The following AHNAK2 variants were observed in gnomAD, a reference collection of about 807,000 sequenced individuals.
AHNAK2 encodes AHNAK nucleoprotein 2.
A neutral mutation model predicts 30.7 loss-of-function variants in AHNAK2; 18 were observed. The observed-to-expected ratio is 0.59, with a 90% CI of 0.41 to 0.87. The LOEUF is 0.87. Ranked by LOEUF, AHNAK2 falls within the 40% of genes least tolerant of loss-of-function variation. The pLI, the probability that AHNAK2 is intolerant of heterozygous loss-of-function variation, is 0.00. For synonymous variants in AHNAK2, 3,590 were observed against 3,073.8 expected, an observed-to-expected ratio of 1.17 and a Z score of -5.56; for missense variants, 8,604 against 7,373.0, an observed-to-expected ratio of 1.17 and a Z score of -6.11.
Position 104,942,483 on chromosome 14 carries a change from A to G in AHNAK2, c.12968T>C (p.Val4323Ala). The G allele has an allele frequency of 6.2e-7, 1 of 1,612,788 alleles. No homozygotes were observed. The highest frequency in any genetic ancestry group is 1.7e-4 in the Middle Eastern group (1 of 6,048). ...PGKSIEASLD[V>A]SALKVEADVS... ...GTCAGCCTCCACCTTCAGCGCAGAC[A>G]CATCCAACGAGGCCTCGATGGACTT... Residue 4323 changes from valine to alanine, a missense_variant, in exon 7 of 7, where the codon GTG becomes GCG. Physicochemically the swap from Val to Ala is moderately conservative, Grantham distance 64. Coordinates refer to ENST00000333244, the MANE Select transcript of AHNAK2 (RefSeq NM_138420.4).
In AHNAK2 at chr14:104,948,117, G is replaced by C; in HGVS notation, c.7334C>G (p.Ser2445Cys). 1 of 1,612,554 alleles carries C rather than the reference G, an allele frequency of 6.2e-7. No individual in the cohort carries two copies. Among genetic ancestry groups the C allele is most frequent in the Non-Finnish European group, 8.5e-7 (1 of 1,179,662 alleles). Reference protein sequence around the residue: ...TDVMAPDVEVSQPSVEVDVEA... With the variant: ...TDVMAPDVEVCQPSVEVDVEA... ...GACATCCACCTCCACGCTGGGCTGA[G>C]ACACCTCCACGTCGGGGGCCATCAC... Residue 2445 changes from serine (S) to cysteine (C), a missense_variant, in exon 7 of 7, where the codon TCT becomes TGT. Ser to Cys is a moderately radical substitution (Grantham distance 112). Transcript: ENST00000333244.
At chr14:104,968,253 T>TACCACA (rs1432756774) in intron 1 of AHNAK2, among the ~76,000 whole-genome samples, 1 of 151,816 alleles carries the variant, frequency 6.6e-6, no homozygotes, top group Non-Finnish European at 1.5e-5. Flanking sequence ...CCAGGGCAGG[T>TACCACA]GGGGGTGGTA....
rs1897949017 is a variant in AHNAK2 at position 104,940,572 on chromosome 14, A to G, written c.14879T>C (p.Leu4960Pro). 6.2e-7 allele frequency: 1 copy of G among 1,613,674 alleles called. No individual in the cohort carries two copies. The highest frequency in any genetic ancestry group is 8.5e-7 in the Non-Finnish European group (1 of 1,179,862). The change falls in exon 7 of 7, where the codon CTT (leucine) becomes CCT (proline). Residue 4960 changes from leucine to proline, a missense_variant. Transcript: ENST00000333244. The surrounding 1 kb of genome is among the most constrained non-coding windows in gnomAD (Gnocchi z 4.4). The stretch of plus-strand genomic sequence containing the variant: ...CTTCGGGGACCACCTAAATGATGGA[A>G]GCTTAATCTTAGGCATTTTCAAGGG... ...GSPLKMPKIKLPSFRWSPKKE... is the reference protein window; with the variant it reads ...GSPLKMPKIKPPSFRWSPKKE...
In AHNAK2 at chr14:104,978,215, A is replaced by T; in HGVS notation, c.23T>A (p.Val8Glu). MCDCFHM[V>E]LPTWPGTPGS... is the part of the protein sequence containing the mutation. ...GGGGGTTCCGGGCCAGGTGGGCAGC[A>T]CCATGTGGAAGCAGTCGCACATCGC... The change falls in exon 1 of 7, where the codon GTG becomes GAG. Residue 8 changes from valine (V) to glutamate (E), a missense_variant. Coordinates refer to ENST00000333244, the MANE Select transcript of AHNAK2 (RefSeq NM_138420.4). The T allele has an allele frequency of 8.3e-7, 1 of 1,211,372 alleles. No homozygotes were observed. Among genetic ancestry groups the T allele is most frequent in the Non-Finnish European group, 1.0e-6 (1 of 974,076 alleles). The allele number at this position is 1,211,372 out of a possible 1,614,324, so 75.0% of individuals were successfully genotyped here.
Position 104,943,719 on chromosome 14 carries a change from G to T in AHNAK2, c.11732C>A (p.Pro3911His), listed in dbSNP as rs1898106935. 6.2e-7 allele frequency: 1 copy of T among 1,612,770 alleles called. No homozygotes were observed. The highest frequency in any genetic ancestry group is 8.5e-7 in the Non-Finnish European group (1 of 1,179,482). The change falls in exon 7 of 7, where the codon CCC becomes CAC. Residue 3911 changes from proline to histidine, a missense_variant. By Grantham distance (77) the Pro-to-His change is moderately conservative (BLOSUM62 -2). Coordinates refer to ENST00000333244, the MANE Select transcript of AHNAK2 (RefSeq NM_138420.4). The part of the protein sequence containing the change: ...LKGPEIDIKG[P>H]KLDLKDPKVE... ...CTTGGGGTCTTTTAGGTCCAGCTTG[G>T]GGCCCTTGATGTCTATTTCAGGGCC...
chr14:104,963,193 G>A (rs561251121), intron 1 of AHNAK2, among the ~76,000 whole-genome samples: 1 of 152,302 alleles, frequency 6.6e-6, no homozygotes, highest in South Asian at 2.1e-4. Flanking sequence ...AGATGTACGA[G>A]TGTTCAATAA....
At position 104,941,461 on chromosome 14, in the gene AHNAK2, T is replaced by A. The variant is rs4465542; in HGVS notation, c.13990A>T (p.Thr4664Ser). The A allele has an allele frequency of 1.9e-6, 3 of 1,611,824 alleles. No individual in the cohort carries two copies. The African/African-American group carries it at 4.0e-5, about 22-fold the overall frequency. ...GNVTFHEKTS[T>S]FPIVESVVHE... is the part of the protein sequence containing the mutation. ...ACAACAGATTCCACAATGGGAAATGTGGAAGTCTTCTCATGGAATGTAACA... is the reference window on the plus strand; with the variant it reads ...ACAACAGATTCCACAATGGGAAATGAGGAAGTCTTCTCATGGAATGTAACA... Residue 4664 changes from threonine to serine, a missense_variant, in exon 7 of 7, where the codon ACA becomes TCA. Coordinates refer to ENST00000333244, the MANE Select transcript of AHNAK2 (RefSeq NM_138420.4).
Position 104,948,040 on chromosome 14 carries a change from C to A in AHNAK2, c.7411G>T (p.Val2471Leu), listed in dbSNP as rs185496696. ...DGAWLEGDLS[V>L]ADKDVTTKDS... ...TTGGTAGTCACATCCTTGTCCGCCA[C>A]AGACAGGTCCCCCTCCAGCCACGCA... Residue 2471 changes from valine to leucine, a missense_variant, in exon 7 of 7, where the codon GTG (valine) becomes TTG (leucine). Physicochemically the swap from Val to Leu is conservative, Grantham distance 32 (BLOSUM62 1). Transcript: ENST00000333244. 2.5e-6 allele frequency: 4 copies of A among 1,610,022 alleles called. No homozygotes were observed. In the South Asian group the frequency reaches 3.3e-5, roughly 13 times the overall value.
rs764942035 is a variant in AHNAK2 at position 104,944,095 on chromosome 14, C to G, written c.11356G>C (p.Glu3786Gln). The change falls in exon 7 of 7, where the codon GAG becomes CAG. Residue 3786 changes from glutamate (E) to glutamine (Q), a missense_variant. Transcript: ENST00000333244. ...TTGTCGGCCAGGGACAGGTCCCCCT[C>G]CAGCTGTGCACTATCCAGTTTGGCT... ...PRAKLDSAQLEGDLSLADKDV... is the reference protein window; with the variant it reads ...PRAKLDSAQLQGDLSLADKDV... The G allele has an allele frequency of 1.2e-6, 2 of 1,613,174 alleles. No individual in the cohort carries two copies. The highest frequency in any genetic ancestry group is 1.3e-5 in the African/African-American group (1 of 74,754).
At chr14:104,955,748 C>T (rs373029518) in intron 4 of AHNAK2, 115 bp from the exon 5 acceptor site, 2 of 1,380,086 alleles carry the variant, frequency 1.4e-6, no homozygotes, top group African/African-American at 2.9e-5. Flanking sequence ...TCCATCAGCC[C>T]AGACAACACA....
At position 104,956,667 on chromosome 14, in the gene AHNAK2, C is replaced by G. The variant is rs371250754; in HGVS notation, c.236G>C (p.Gly79Ala). The G allele has an allele frequency of 2.5e-6, 4 of 1,613,698 alleles. No individual in the cohort carries two copies. Among genetic ancestry groups the G allele is most frequent in the African/African-American group, 2.7e-5 (2 of 74,934 alleles). ...GLQEDAPGRQ[G>A]SAGRRRSWWK... Reference sequence around the variant, plus strand: ...CCAGGATCTCCGTCTCCCAGCAGAACCTTGCCTGCCGGGGGCGTCTTCCTG... The same window carrying G: ...CCAGGATCTCCGTCTCCCAGCAGAAGCTTGCCTGCCGGGGGCGTCTTCCTG... Residue 79 changes from glycine (G) to alanine (A), a missense_variant, in exon 4 of 7, where the codon GGT becomes GCT. Transcript: ENST00000333244.
In AHNAK2 at chr14:104,948,139, T is replaced by A. The variant is rs774851253; in HGVS notation, c.7312A>T (p.Met2438Leu). The A allele has an allele frequency of 1.2e-6, 2 of 1,612,080 alleles. No individual in the cohort carries two copies. The highest frequency in any genetic ancestry group is 1.7e-5 in the Admixed American group (1 of 59,844). ...LDLKGPKTDV[M>L]APDVEVSQPS... ...TGAGACACCTCCACGTCGGGGGCCATCACGTCCGTCTTGGGGCCTTTCAGG... is the reference window on the plus strand; with the variant it reads ...TGAGACACCTCCACGTCGGGGGCCAACACGTCCGTCTTGGGGCCTTTCAGG... Residue 2438 changes from methionine (M) to leucine (L), a missense_variant, in exon 7 of 7, where the codon ATG (methionine) becomes TTG (leucine). Coordinates refer to ENST00000333244, the MANE Select transcript of AHNAK2 (RefSeq NM_138420.4).
Position 104,948,558 on chromosome 14 carries a change from G to A in AHNAK2, c.6893C>T (p.Ala2298Val), listed in dbSNP as rs780710267. Residue 2298 changes from alanine to valine, a missense_variant, in exon 7 of 7, where the codon GCG (alanine) becomes GTG (valine). Transcript: ENST00000333244. ...VKAPGAKLDG[A>V]RLEGDMSLAD... ...CAGGGACATGTCCCCCTCCAGCCGC[G>A]CACCATCCAGCTTGGCTCCTGGGGC... 54 of 1,612,242 alleles carry A rather than the reference G, an allele frequency of 3.3e-5. 2 individuals carry two copies. Among genetic ancestry groups the A allele is most frequent in the African/African-American group, 1.6e-4 (12 of 73,858 alleles).
chr14:104,971,049 C>G (rs939069072), intron 1 of AHNAK2, among the ~76,000 whole-genome samples: 1 of 152,168 alleles, frequency 6.6e-6, no homozygotes, highest in South Asian at 2.1e-4. Flanking sequence ...GCCCGCTCAG[C>G]CCAAACTCAC....
rs375288801 is a variant in AHNAK2 at position 104,946,375 on chromosome 14, T to G, written c.9076A>C (p.Ile3026Leu). 344 of 1,611,418 alleles carry G rather than the reference T, an allele frequency of 2.1e-4. 3 individuals are homozygous for G. Among genetic ancestry groups the G allele is most frequent in the Middle Eastern group, 1.5e-3 (9 of 6,046 alleles). Reference protein sequence around the residue: ...SMQGDLKTTDISIEPPSAQLE... With the variant: ...SMQGDLKTTDLSIEPPSAQLE... ...TGGGCAGAGGGGGGCTCAATGCTGA[T>G]GTCAGTGGTCTTCAGGTCCCCCTGC... is the stretch of plus-strand genomic sequence containing the variant. Residue 3026 changes from isoleucine (I) to leucine (L), a missense_variant, in exon 7 of 7, where the codon ATC becomes CTC. Physicochemically the swap from Ile to Leu is conservative, Grantham distance 5. Coordinates refer to ENST00000333244, the MANE Select transcript of AHNAK2 (RefSeq NM_138420.4).
intron 1 of AHNAK2, among the ~76,000 whole-genome samples, chr14:104,971,669 C>A (rs1285232981): frequency 1.3e-5 from 2 of 152,250 alleles, no homozygotes; most frequent in Admixed American, 6.5e-5. Context: ...AGCTGCCTGG[C>A]CCACCTCCTG....
rs570414142 is a variant in AHNAK2, at chr14:104,949,940, G to A, written c.5511C>T (p.Ala1837=). ...CCGAGGCCTCGATGGACTTGCCTGG[G>A]GCAGACACCCCGAACGACGGCATCT... is the stretch of plus-strand genomic sequence containing the variant. ...KFKMPSFGVS[A]PGKSIEASVD... The change falls in exon 7 of 7, where the codon GCC becomes GCT. Residue 1837 remains alanine (A), a synonymous_variant. Transcript: ENST00000333244. 4 of 1,588,972 alleles carry A rather than the reference G, an allele frequency of 2.5e-6. 1 individual carries two copies. The highest frequency in any genetic ancestry group is 3.5e-5 in the Admixed American group (2 of 57,810).
In AHNAK2 at chr14:104,946,233, TTGGGCATCTTGAAAC is replaced by T. The variant is rs988877513; in HGVS notation, c.9203_9217del (p.Ser3068_Pro3072del). 2.5e-6 allele frequency: 4 copies of T among 1,605,682 alleles called. No homozygotes were observed. Among genetic ancestry groups the T allele is most frequent in the African/African-American group, 1.4e-5 (1 of 73,000 alleles). On this transcript the variant is annotated inframe_deletion, in exon 7 of 7. Transcript: ENST00000333244. ...TATCTGGGGTCCCTTGCGATCTACT[TTGGGCATCTTGAAAC>T]TGGGCATCTGCAACTTGGGCAGGTG... is the stretch of plus-strand genomic sequence containing the variant.
At chr14:104,967,400 G>A (rs914875970) in intron 1 of AHNAK2, among the ~76,000 whole-genome samples, 5 of 152,254 alleles carry the variant, frequency 3.3e-5, no homozygotes, top group African/African-American at 1.2e-4. Context: ...GGCACAGCCG[G>A]CTGCACTCCC....
Sources: gnomAD v4.1 joint callset for allele counts (sites outside exome capture counted in the v4.1 genomes callset) on GRCh38, gnomAD v4.1.1 for gene constraint, Gnocchi (gnomAD v3.1) non-coding constraint, MANE v1.5 for transcripts, NCBI Gene and HGNC (gene_info 2026-07-23, HGNC 2026-07-21) for gene names.